The following GLIS1 variants were observed in gnomAD, a reference collection of about 807,000 sequenced individuals.
The protein encoded by GLIS1 is zinc finger protein GLIS1.
In GLIS1, 24 loss-of-function variants were observed where a neutral mutation model predicts 63.8. That is an observed-to-expected ratio of 0.38 (90% CI 0.27 to 0.53). GLIS1 has a LOEUF of 0.53. GLIS1 is among the 20% of genes least tolerant of loss of function. The pLI, the probability that GLIS1 is intolerant of heterozygous loss-of-function variation, is 0.85. For missense variants in GLIS1, 1,036 were observed against 1,074.1 expected, an observed-to-expected ratio of 0.96 and a Z score of 0.50; for synonymous variants, 450 against 482.5, an observed-to-expected ratio of 0.93 and a Z score of 0.88.
chr1:53,602,855 A>G (rs539209096), intron 2 of GLIS1, among the ~76,000 whole-genome samples: 73 of 152,354 alleles, frequency 4.8e-4, no homozygotes, highest in Non-Finnish European at 7.2e-4. Context: ...TTTGACTCCA[A>G]TGAGGGTCAT....
At position 53,594,666 on chromosome 1, in the gene GLIS1, T is replaced by C; in HGVS notation, c.762A>G (p.Ser254=). Residue 254 remains serine, a synonymous_variant, in exon 4 of 11, where the codon TCA becomes TCG. Transcript: ENST00000628545. ...AGGTGACGTCGGAGGAGGCACAGGG[T>C]GAGGAGGAGGCTGGGGAGGTGGGGG... ...GLPPTSPASS[S]PCASSDVTSI... is the part of the protein sequence containing the mutation. The C allele has an allele frequency of 6.4e-7, 1 of 1,551,802 alleles. No homozygotes were observed. The highest frequency in any genetic ancestry group is 8.7e-7 in the Non-Finnish European group (1 of 1,146,702).
intron 2 of GLIS1, among the ~76,000 whole-genome samples, chr1:53,627,026 G>A (rs1645601512): frequency 1.3e-5 from 2 of 152,242 alleles, no homozygotes; most frequent in South Asian, 2.1e-4. Context: ...CTTACCACAC[G>A]TCTGCTGAAC....
intron 2 of GLIS1, among the ~76,000 whole-genome samples, chr1:53,614,569 G>C (rs1374529145): frequency 6.6e-6 from 1 of 152,218 alleles, no homozygotes; most frequent in Non-Finnish European, 1.5e-5. Flanking sequence ...GGAAAGCAGG[G>C]CACAACCAGA....
intron 2 of GLIS1, among the ~76,000 whole-genome samples, chr1:53,706,411 T>C (rs1337716169): frequency 6.6e-6 from 1 of 152,220 alleles, no homozygotes; most frequent in African/African-American, 2.4e-5. Context: ...TCCTAGATGG[T>C]TGAGAGGAAG....
intron 2 of GLIS1, among the ~76,000 whole-genome samples, chr1:53,614,102 C>T (rs1305152957): frequency 6.6e-6 from 1 of 152,126 alleles, no homozygotes; most frequent in Non-Finnish European, 1.5e-5. Context: ...ATATTGAATG[C>T]CTACTATATG....
At position 53,587,279 on chromosome 1, in the gene GLIS1, C is replaced by G. The variant is rs1405852427; in HGVS notation, c.1320+6829G>C. ...CCTGCTCTCTGGGCTTCAGCTTCCC[C>G]ACCTAATAATGAGGGTAGACATGAG... is the stretch of plus-strand genomic sequence containing the variant. On this transcript the variant is annotated intron_variant, in intron 4 of 10. Transcript: ENST00000628545. Among the ~76,000 whole-genome samples, 5 of 152,120 alleles carry G rather than the reference C, an allele frequency of 3.3e-5. 1 individual carries two copies. The highest frequency in any genetic ancestry group is 3.3e-4 in the Admixed American group (5 of 15,274).
At chr1:53,728,854 CA>C (rs1646830831) in intron 2 of GLIS1, among the ~76,000 whole-genome samples, 1 of 152,240 alleles carries the variant, frequency 6.6e-6, no homozygotes, top group South Asian at 2.1e-4. Context: ...CCTTGAATGC[CA>C]GATCAAAGGG....
rs534383020 is a variant in GLIS1 at position 53,511,527 on chromosome 1, G to A, written c.1884-1500C>T. ...TCACTGTGAGCTCGCTGAGGACAGG[G>A]GAAGCAGGGCCTCGGTGCTGGGTCC... On this transcript the variant is annotated intron_variant, in intron 8 of 10. Coordinates refer to ENST00000628545, the MANE Select transcript of GLIS1 (RefSeq NM_001367484.1). The surrounding 1 kb of genome is among the most constrained non-coding windows in gnomAD (Gnocchi z 4.2). 4.6e-5 allele frequency among the ~76,000 whole-genome samples: 7 copies of A among 152,200 alleles called. No homozygotes were observed. The highest frequency in any genetic ancestry group is 7.3e-5 in the Non-Finnish European group (5 of 68,034).
intron 2 of GLIS1, among the ~76,000 whole-genome samples, chr1:53,672,080 A>G (rs1646158340): frequency 6.6e-6 from 1 of 152,200 alleles, no homozygotes; most frequent in Non-Finnish European, 1.5e-5. Flanking sequence ...TAGGAGGGCC[A>G]AGGCCAACTG....
intron 2 of GLIS1, among the ~76,000 whole-genome samples, chr1:53,685,356 CG>C (rs1312939339): frequency 1.3e-5 from 2 of 152,210 alleles, no homozygotes; most frequent in Non-Finnish European, 2.9e-5. Flanking sequence ...GTCCCCAGAG[CG>C]CCGTGGTGTC....
chr1:53,697,653 C>T (rs1646479911), intron 2 of GLIS1, among the ~76,000 whole-genome samples: 1 of 152,190 alleles, frequency 6.6e-6, no homozygotes, highest in South Asian at 2.1e-4. Flanking sequence ...AAGGACCTAC[C>T]CATCCATCAC....
chr1:53,561,645 G>T (rs1180130983), intron 4 of GLIS1, among the ~76,000 whole-genome samples: 1 of 152,216 alleles, frequency 6.6e-6, no homozygotes, highest in African/African-American at 2.4e-5. Flanking sequence ...CACTGGCCTG[G>T]GGTGGGGGCT....
chr1:53,720,339 T>G (rs181547169), intron 2 of GLIS1, among the ~76,000 whole-genome samples: 1 of 152,260 alleles, frequency 6.6e-6, no homozygotes, highest in African/African-American at 2.4e-5. Context: ...AAGAATGAAA[T>G]CCTGTCATCT....
At chr1:53,616,923 C>A (rs1645488726) in intron 2 of GLIS1, among the ~76,000 whole-genome samples, 1 of 151,936 alleles carries the variant, frequency 6.6e-6, no homozygotes, top group African/African-American at 2.4e-5. Context: ...CTGAAAAATC[C>A]CACCCCCAAC....
intron 2 of GLIS1, among the ~76,000 whole-genome samples, chr1:53,707,314 C>T (rs1646589463): frequency 6.6e-6 from 1 of 152,168 alleles, no homozygotes; most frequent in Non-Finnish European, 1.5e-5. Flanking sequence ...AATAGGAAAG[C>T]AGTTAACAAC....
Position 53,506,734 on chromosome 1 carries a change from G to C in GLIS1, c.2273C>G (p.Pro758Arg), listed in dbSNP as rs756217677. 1 of 1,612,892 alleles carries C rather than the reference G, an allele frequency of 6.2e-7. No individual in the cohort carries two copies. Among genetic ancestry groups the C allele is most frequent in the East Asian group, 2.2e-5 (1 of 44,878 alleles). ...CACCACATCTTCAGATGGCTGCTGT[G>C]GCAGCGCTGTGGGGCATGAGGCCTC... Reference protein sequence around the residue: ...LAEASCPTALPQQPSEDVVSS... With the variant: ...LAEASCPTALRQQPSEDVVSS... Residue 758 changes from proline to arginine, a missense_variant, in exon 11 of 11, where the codon CCA (proline) becomes CGA (arginine). Pro to Arg is a moderately radical substitution (Grantham distance 103). Coordinates refer to ENST00000628545, the MANE Select transcript of GLIS1 (RefSeq NM_001367484.1).
At chr1:53,558,816 A>G (rs1358609354) in intron 4 of GLIS1, among the ~76,000 whole-genome samples, 1 of 152,184 alleles carries the variant, frequency 6.6e-6, no homozygotes, top group Non-Finnish European at 1.5e-5. Flanking sequence ...AGGCCCCGAC[A>G]CGTGTTGAAT....
At chr1:53,623,180 A>G (rs1645563606) in intron 2 of GLIS1, among the ~76,000 whole-genome samples, 1 of 152,224 alleles carries the variant, frequency 6.6e-6, no homozygotes, top group South Asian at 2.1e-4. Context: ...TTAAAAATAA[A>G]TCAAATTCAG....
intron 4 of GLIS1, among the ~76,000 whole-genome samples, chr1:53,553,349 C>T (rs1179069193): frequency 6.6e-6 from 1 of 152,112 alleles, no homozygotes. Flanking sequence ...AAAAAAAAAG[C>T]TTTACCTATT....
Sources: allele counts gnomAD v4.1 joint callset (sites outside exome capture counted in the v4.1 genomes callset), GRCh38; gene constraint gnomAD v4.1.1; non-coding constraint Gnocchi (gnomAD v3.1); transcripts MANE v1.5; gene names NCBI Gene and HGNC (gene_info 2026-07-23, HGNC 2026-07-21).